CSTL1: variants seen among roughly 807,000 people sequenced by gnomAD.
CSTL1 encodes the protein cystatin-like 1.
CSTL1 carries 14 observed loss-of-function variants against 14.4 expected under a neutral mutation model. That is an observed-to-expected ratio of 0.97 (90% CI 0.64 to 1.52). CSTL1 has a LOEUF of 1.52. Ranked by LOEUF, CSTL1 falls within the 40% of genes most tolerant of loss-of-function variation. The probability of loss-of-function intolerance (pLI) is 0.00; values close to 1 mark genes in which losing one functional copy is unlikely to be tolerated. For synonymous variants in CSTL1, 72 were observed against 67.5 expected, an observed-to-expected ratio of 1.07 and a Z score of -0.33; for missense variants, 170 against 168.7, an observed-to-expected ratio of 1.01 and a Z score of -0.04.
chr20:23,451,855 C>A, the CSTL1 span: 3 of 1,614,122 alleles, frequency 1.9e-6, no homozygotes, highest in Non-Finnish European at 2.5e-6. Flanking sequence ...AGTTCGTGGT[C>A]TCTGGCTTTT....
chr20:23,455,176 C>A, the CSTL1 span, among the ~76,000 whole-genome samples: 1 of 152,164 alleles, frequency 6.6e-6, no homozygotes, highest in Non-Finnish European at 1.5e-5. Context: ...TTTGGAGTGC[C>A]AGCCCTATAT....
chr20:23,440,801 C>T (rs866369748), intron 2 of CSTL1: 47 of 383,998 alleles, frequency 1.2e-4, no homozygotes, highest in South Asian at 6.0e-4. Flanking sequence ...TTGTTGCCCA[C>T]GCTGGAGTGC....
chr20:23,447,968 T>C (rs1987001243), downstream of CSTL1, among the ~76,000 whole-genome samples: 1 of 152,210 alleles, frequency 6.6e-6, no homozygotes, highest in African/African-American at 2.4e-5. Context: ...ATTTATATGG[T>C]CTAATTGTAC....
the CSTL1 span, chr20:23,452,838 G>T: frequency 6.4e-7 from 1 of 1,555,700 alleles, no homozygotes; most frequent in Non-Finnish European, 8.8e-7. Context: ...AACAGGAAGA[G>T]TGTTCTCTGT....
chr20:23,440,979 G>A (rs935650694), intron 2 of CSTL1: 41 of 230,858 alleles, frequency 1.8e-4, no homozygotes, highest in Middle Eastern at 1.6e-3. Context: ...AGCTGGTCTC[G>A]AACTCCTGAC....
the CSTL1 span, among the ~76,000 whole-genome samples, chr20:23,453,172 G>A: frequency 6.6e-6 from 1 of 152,072 alleles, no homozygotes; most frequent in African/African-American, 2.4e-5. Flanking sequence ...GGAGACACGG[G>A]GAGATTGGAT....
At chr20:23,452,943 C>T in the CSTL1 span, 10 of 653,096 alleles carry the variant, frequency 1.5e-5, no homozygotes, top group East Asian at 2.2e-4. Context: ...TCCTCTCCTC[C>T]TCCTCCCCCT....
chr20:23,455,588 C>A, the CSTL1 span, among the ~76,000 whole-genome samples: 3 of 152,222 alleles, frequency 2.0e-5, no homozygotes, highest in Admixed American at 6.5e-5. Flanking sequence ...GATCCCCTCC[C>A]ATGTGTGCTT....
chr20:23,445,701 C>G (rs1317430684), downstream of CSTL1, among the ~76,000 whole-genome samples: 1 of 152,164 alleles, frequency 6.6e-6, no homozygotes, highest in Non-Finnish European at 1.5e-5. Context: ...TATTTCTTCC[C>G]AGCACACACA....
downstream of CSTL1, among the ~76,000 whole-genome samples, chr20:23,448,277 A>G (rs1225083489): frequency 1.4e-5 from 2 of 147,126 alleles, no homozygotes; most frequent in African/African-American, 2.7e-5. Context: ...CTCCCACCCC[A>G]CCCGCTCACC....
At chr20:23,443,900 A>T in intron 2 of CSTL1, 34 bp from the exon 3 acceptor site, 8 of 1,511,248 alleles carry the variant, frequency 5.3e-6, no homozygotes, top group Non-Finnish European at 7.4e-6. Flanking sequence ...GGATGCTTGG[A>T]GTCCACACTA....
the CSTL1 span, among the ~76,000 whole-genome samples, chr20:23,455,529 G>A: frequency 2.0e-5 from 3 of 152,208 alleles, no homozygotes; most frequent in Non-Finnish European, 4.4e-5. Context: ...GCAGGGTGGT[G>A]GGGCTCACAA....
chr20:23,448,020 CTTATTATTATTA>C (rs1987002580), downstream of CSTL1, among the ~76,000 whole-genome samples: 1 of 151,830 alleles, frequency 6.6e-6, no homozygotes, highest in South Asian at 2.1e-4. Context: ...AGAGTCATCT[CTTATTATTATTA>C]TTGTTATTAT....
chr20:23,453,981 C>T, the CSTL1 span, among the ~76,000 whole-genome samples: 1 of 151,968 alleles, frequency 6.6e-6, no homozygotes, highest in Non-Finnish European at 1.5e-5. Context: ...TCCACACTCA[C>T]ACTGAAATAT....
the CSTL1 span, among the ~76,000 whole-genome samples, chr20:23,457,181 C>T: frequency 1.3e-5 from 2 of 152,160 alleles, no homozygotes; most frequent in Admixed American, 6.5e-5. Flanking sequence ...ACATCCCTAC[C>T]ACCTCAGTTC....
downstream of CSTL1, among the ~76,000 whole-genome samples, chr20:23,449,174 GTC>G (rs1331351805): frequency 3.3e-5 from 5 of 152,202 alleles, no homozygotes; most frequent in African/African-American, 1.2e-4. Flanking sequence ...TCTGCCTATA[GTC>G]TCTCAAATCT....
downstream of CSTL1, among the ~76,000 whole-genome samples, chr20:23,445,231 CTT>C (rs11478198): frequency 0.075 from 10,016 of 133,876 alleles, 407 homozygotes; most frequent in East Asian, 0.26. Context: ...TTCTTTCTTT[CTT>C]TTTTTTTTTT....
chr20:23,457,116 T>C, the CSTL1 span, among the ~76,000 whole-genome samples: 1 of 152,198 alleles, frequency 6.6e-6, no homozygotes, highest in Non-Finnish European at 1.5e-5. Context: ...CGGTTGCTCT[T>C]GTCTCGGCCA....
chr20:23,445,576 C>T (rs1476323400), downstream of CSTL1, among the ~76,000 whole-genome samples: 1 of 152,166 alleles, frequency 6.6e-6, no homozygotes, highest in Non-Finnish European at 1.5e-5. Context: ...GCAATTAGAA[C>T]AGAATGTTCA....
Sources: gnomAD v4.1 joint callset for allele counts (sites outside exome capture counted in the v4.1 genomes callset) on GRCh38, gnomAD v4.1.1 for gene constraint, MANE v1.5 for transcripts, NCBI Gene and HGNC (gene_info 2026-07-23, HGNC 2026-07-21) for gene names.